The following SMAD3 variants were observed in gnomAD, a reference collection of about 807,000 sequenced individuals.
SMAD3 encodes the protein SMAD family member 3.
SMAD3 carries 12 observed loss-of-function variants against 51.8 expected under a neutral mutation model. The ratio of observed to expected loss-of-function variants is 0.23; its 90% CI spans 0.15 to 0.38. The LOEUF is 0.38. Among genes scored for constraint, SMAD3 ranks in the 10% least tolerant of loss-of-function variants. The pLI is 1.00. For missense variants in SMAD3, 294 were observed against 565.6 expected, an observed-to-expected ratio of 0.52 and a Z score of 4.87; for synonymous variants, 238 against 227.7, an observed-to-expected ratio of 1.05 and a Z score of -0.41.
At chr15:67,190,359 C>A in intron 8 of SMAD3, 54 bp from the exon 9 acceptor site, 1 of 1,550,892 alleles carries the variant, frequency 6.4e-7, no homozygotes, top group Non-Finnish European at 8.9e-7. Flanking sequence ...ACTTGTGTAA[C>A]CCCCTGGAGA....
intron 1 of SMAD3, among the ~76,000 whole-genome samples, chr15:67,106,486 C>G (rs1232561066): frequency 6.6e-6 from 1 of 152,096 alleles, no homozygotes; most frequent in Non-Finnish European, 1.5e-5. Flanking sequence ...TAACTCTATC[C>G]CCAATACACT....
chr15:67,165,219 A>T, intron 2 of SMAD3, 34 bp from the exon 3 acceptor site: 2 of 1,613,982 alleles, frequency 1.2e-6, no homozygotes, highest in Non-Finnish European at 1.7e-6. Context: ...TGGCATCGAC[A>T]CTGAGCCACC....
At chr15:67,166,561 C>G in intron 3 of SMAD3, 1 of 626,864 alleles carries the variant, frequency 1.6e-6, no homozygotes, top group Non-Finnish European at 2.9e-6. Context: ...TTGATCCGGT[C>G]CTGCGTGAGC....
intron 1 of SMAD3, among the ~76,000 whole-genome samples, chr15:67,132,394 A>C (rs930810540): frequency 1.3e-5 from 2 of 152,164 alleles, no homozygotes; most frequent in Non-Finnish European, 2.9e-5. Context: ...CCGGGAATCT[A>C]TATGCCCCTC....
intron 6 of SMAD3, among the ~76,000 whole-genome samples, chr15:67,182,289 T>G (rs978862783): frequency 6.6e-6 from 1 of 152,220 alleles, no homozygotes; most frequent in African/African-American, 2.4e-5. Flanking sequence ...AAGTAAAAGA[T>G]GACTTTGTGA....
chr15:67,068,560 C>A (rs905744783), intron 1 of SMAD3, among the ~76,000 whole-genome samples: 8 of 152,228 alleles, frequency 5.3e-5, no homozygotes, highest in Non-Finnish European at 8.8e-5. Flanking sequence ...AGCCAACCTG[C>A]CCTGTGGCCT....
chr15:67,091,472 T>C (rs1303508100), intron 1 of SMAD3, among the ~76,000 whole-genome samples: 1 of 152,244 alleles, frequency 6.6e-6, no homozygotes, highest in Non-Finnish European at 1.5e-5. Flanking sequence ...CCCGGTACTT[T>C]CAGGGGAAAC....
At chr15:67,184,949 C>T in intron 7 of SMAD3, 85 bp downstream of exon 7, 1 of 1,525,728 alleles carries the variant, frequency 6.6e-7, no homozygotes, top group Non-Finnish European at 9.1e-7. Flanking sequence ...ACCTTTCTCA[C>T]CTTTTCTGCT....
At chr15:67,099,460 G>A (rs945856257) in intron 1 of SMAD3, among the ~76,000 whole-genome samples, 25 of 152,180 alleles carry the variant, frequency 1.6e-4, no homozygotes, top group Non-Finnish European at 4.4e-5. Flanking sequence ...TTTCTGTTTT[G>A]GTAAATTTCA....
At chr15:67,107,500 G>T (rs886376807) in intron 1 of SMAD3, among the ~76,000 whole-genome samples, 1 of 152,118 alleles carries the variant, frequency 6.6e-6, no homozygotes. Flanking sequence ...GCAGTCTGTG[G>T]TCACCTGCAG....
chr15:67,125,906 A>T (rs1429415131), intron 1 of SMAD3: 80 of 985,302 alleles, frequency 8.1e-5, no homozygotes, highest in Non-Finnish European at 9.5e-5. Context: ...CTGGGTTCCC[A>T]CAGGATGCGA....
At chr15:67,147,672 A>T (rs1359339499) in intron 1 of SMAD3, among the ~76,000 whole-genome samples, 1 of 152,160 alleles carries the variant, frequency 6.6e-6, no homozygotes, top group African/African-American at 2.4e-5. Flanking sequence ...GTCCAGGTCC[A>T]GTTCTACCAG....
At chr15:67,106,213 T>A (rs1433784940) in intron 1 of SMAD3, among the ~76,000 whole-genome samples, 2 of 152,170 alleles carry the variant, frequency 1.3e-5, no homozygotes, top group Non-Finnish European at 2.9e-5. Context: ...CTAAGAAATG[T>A]ACATCTGTCA....
intron 1 of SMAD3, among the ~76,000 whole-genome samples, chr15:67,163,182 C>T (rs1962477916): frequency 6.6e-6 from 1 of 152,072 alleles, no homozygotes; most frequent in African/African-American, 2.4e-5. Flanking sequence ...CCATGTTGGC[C>T]AGGCTGGTTT....
chr15:67,125,259 C>T, intron 1 of SMAD3, among the ~76,000 whole-genome samples: 1 of 152,250 alleles, frequency 6.6e-6, no homozygotes, highest in East Asian at 1.9e-4. Flanking sequence ...GCTCTGGTTG[C>T]TGATCCACCC....
rs1963184296 is a variant in SMAD3 at position 67,184,961 on chromosome 15, A to G, written c.1009+97A>G. On this transcript the variant is annotated intron_variant, in intron 7 of 8. Coordinates refer to ENST00000327367, the MANE Select transcript of SMAD3 (RefSeq NM_005902.4). ...TCCACCTTTCTCACCTTTTCTGCTC[A>G]CTCATGATTGCGTTGTCAATCTGGA... 3.4e-6 allele frequency: 5 copies of G among 1,473,268 alleles called. No homozygotes were observed. The East Asian group carries it at 1.1e-4, about 33-fold the overall frequency. 91.3% of individuals were successfully genotyped at this position (1,473,268 alleles called of 1,614,324 possible).
At chr15:67,119,807 T>C (rs1164732944) in intron 1 of SMAD3, among the ~76,000 whole-genome samples, 1 of 152,196 alleles carries the variant, frequency 6.6e-6, no homozygotes, top group Non-Finnish European at 1.5e-5. Context: ...CTTTGAATTT[T>C]TTTTTTGGAG....
At chr15:67,167,941 G>C (rs545445096) in intron 4 of SMAD3, among the ~76,000 whole-genome samples, 1 of 152,288 alleles carries the variant, frequency 6.6e-6, no homozygotes, top group East Asian at 1.9e-4. Context: ...CAGCCCAGAA[G>C]AGATTGTGCA....
chr15:67,082,809 A>G (rs1468187255), intron 1 of SMAD3, among the ~76,000 whole-genome samples: 2 of 152,174 alleles, frequency 1.3e-5, no homozygotes, highest in Admixed American at 6.5e-5. Flanking sequence ...TTGTTTTCCT[A>G]TTGATCTAGG....
Sources: gnomAD v4.1 joint callset for allele counts (sites outside exome capture counted in the v4.1 genomes callset) on GRCh38, gnomAD v4.1.1 for gene constraint, MANE v1.5 for transcripts, NCBI Gene and HGNC (gene_info 2026-07-23, HGNC 2026-07-21) for gene names.